The following MORN1 variants were observed in gnomAD, a reference collection of about 807,000 sequenced individuals.
MORN1 encodes the protein MORN repeat containing 1.
A neutral mutation model predicts 61.9 loss-of-function variants in MORN1; 67 were observed. That is an observed-to-expected ratio of 1.08 (90% CI 0.89 to 1.33). The LOEUF is 1.33. MORN1 is among the 40% of genes most tolerant of loss of function. MORN1 has a pLI of 0.00. For missense variants in MORN1, 752 were observed against 691.2 expected (o/e 1.09, Z -0.99); for synonymous variants, 301 against 292.0 (o/e 1.03, Z -0.31).
chr1:2,322,270 C>T (rs1216279350), intron 13 of MORN1: 2 of 985,368 alleles, frequency 2.0e-6, no homozygotes, highest in East Asian at 1.1e-4. Flanking sequence ...ATCCTCTCCC[C>T]TCCCCTGAGC....
chr1:2,340,235 T>C (rs12757417), intron 10 of MORN1, among the ~76,000 whole-genome samples: 35,423 of 152,082 alleles, frequency 0.23, 4,330 homozygotes, highest in Non-Finnish European at 0.27. Context: ...TCGCTTCCCA[T>C]GGACACAAGC....
rs554530967 is a variant in MORN1, at chr1:2,325,241, C to CCT, written c.1251-1100_1251-1099dup. On this transcript the variant is annotated intron_variant, in intron 12 of 13. Coordinates refer to ENST00000378531, the MANE Select transcript of MORN1 (RefSeq NM_024848.3). ...TTTTCTTTCTCTCTTGTTCCTTCTTCCTCTCTCTCTCTCCTCTCTCTCTCT... is the reference window on the plus strand; with the variant it reads ...TTTTCTTTCTCTCTTGTTCCTTCTTCCTCTCTCTCTCTCTCCTCTCTCTCTCT... Among the ~76,000 whole-genome samples, 19 of 115,992 alleles carry CCT rather than the reference C, an allele frequency of 1.6e-4. 1 individual carries two copies. In the South Asian group the frequency reaches 3.7e-3, roughly 22 times the overall value. The allele number at this position is 115,992 out of a possible 152,430, so 76.1% of individuals were successfully genotyped here.
At chr1:2,369,355 G>GAAAAAAAAAAAAAAAAAAAAAAAAA in intron 8 of MORN1, among the ~76,000 whole-genome samples, 1 of 80,654 alleles carries the variant, frequency 1.2e-5, no homozygotes. Context: ...CTCAGTCTCA[G>GAAAAAAAAAAAAAAAAAAAAAAAAA]AAAAAAAAAA....
rs908794642 is a variant in MORN1 at position 2,324,141 on chromosome 1, G to C, written c.1253C>G (p.Pro418Arg). ...TAQEPPGGSRPEGRATEEQAA... is the reference protein window; with the variant it reads ...TAQEPPGGSRREGRATEEQAA... ...CTGCTCCTCCGTGGCTCTCCCCTCA[G>C]GCCTGTGGAGACGACACAGTGAGGC... is the stretch of plus-strand genomic sequence containing the variant. The change falls in exon 13 of 14, where the codon CCT (proline) becomes CGT (arginine). Residue 418 changes from proline (P) to arginine (R), a missense_variant and splice_region_variant. By Grantham distance (103) the Pro-to-Arg change is moderately radical. Transcript: ENST00000378531. 1.3e-6 allele frequency: 2 copies of C among 1,598,058 alleles called. No homozygotes were observed. Among genetic ancestry groups the C allele is most frequent in the African/African-American group, 1.3e-5 (1 of 74,788 alleles).
Position 2,324,130 on chromosome 1 carries a change from C to T in MORN1, c.1264G>A (p.Ala422Thr), listed in dbSNP as rs61729821. The T allele has an allele frequency of 2.8e-3, 4,528 of 1,600,494 alleles. 102 individuals are homozygous for T. The African/African-American group carries it at 0.047, about 17-fold the overall frequency. ...PPGGSRPEGR[A>T]TEEQAAAAHL... Reference sequence around the variant, plus strand: ...GCTGCCGCAGCCTGCTCCTCCGTGGCTCTCCCCTCAGGCCTGTGGAGACGA... The same window carrying T: ...GCTGCCGCAGCCTGCTCCTCCGTGGTTCTCCCCTCAGGCCTGTGGAGACGA... The change falls in exon 13 of 14, where the codon GCC becomes ACC. Residue 422 changes from alanine (A) to threonine (T), a missense_variant. By Grantham distance (58) the Ala-to-Thr change is moderately conservative. Transcript: ENST00000378531.
At chr1:2,382,422 C>T (rs984184150) in intron 6 of MORN1, among the ~76,000 whole-genome samples, 29 of 152,188 alleles carry the variant, frequency 1.9e-4, no homozygotes, top group Admixed American at 1.1e-3. Flanking sequence ...CTGACAGCAG[C>T]GCCTGGCACC....
Position 2,357,744 on chromosome 1 carries a change from C to A in MORN1, c.870-146G>T. 1 of 941,496 alleles carries A rather than the reference C, an allele frequency of 1.1e-6. No homozygotes were observed. The allele number at this position is 941,496 out of a possible 1,614,324, so 58.3% of individuals were successfully genotyped here. Reference sequence around the variant, plus strand: ...CTCAGCCTCTCTGGGAGGTCTCCTGCTGGGATGGGGCCAGTTGAGGCCCAG... The same window carrying A: ...CTCAGCCTCTCTGGGAGGTCTCCTGATGGGATGGGGCCAGTTGAGGCCCAG... On this transcript the variant is annotated intron_variant, in intron 9 of 13. Transcript: ENST00000378531. This position sits in a 1 kb window ranked among gnomAD's most constrained non-coding sequence, Gnocchi z 6.3.
At chr1:2,333,125 G>A (rs760113302) in intron 12 of MORN1, among the ~76,000 whole-genome samples, 48 of 152,238 alleles carry the variant, frequency 3.2e-4, no homozygotes, top group Non-Finnish European at 6.2e-4. Context: ...GGGCGTGACT[G>A]GGGGTGGCCA....
chr1:2,391,391 A>G, intron 1 of MORN1, 67 bp downstream of exon 1: 1 of 1,246,594 alleles, frequency 8.0e-7, no homozygotes, highest in Non-Finnish European at 1.0e-6. Flanking sequence ...TCGAGGGCGT[A>G]GAGCGATCGC....
chr1:2,366,553 T>C (rs1370084408), intron 8 of MORN1, among the ~76,000 whole-genome samples: 2 of 152,180 alleles, frequency 1.3e-5, no homozygotes, highest in Non-Finnish European at 1.5e-5. Flanking sequence ...AGACAGGATC[T>C]TGCTCTGTCA....
intron 1 of MORN1, chr1:2,390,408 C>T (rs1642620357): frequency 1.0e-6 from 1 of 984,710 alleles, no homozygotes; most frequent in Non-Finnish European, 1.2e-6. Flanking sequence ...CTCTCCCATC[C>T]CCTGCCGTGG....
intron 6 of MORN1, among the ~76,000 whole-genome samples, chr1:2,384,061 T>A (rs1642432325): frequency 1.3e-5 from 2 of 152,220 alleles, no homozygotes; most frequent in South Asian, 2.1e-4. Flanking sequence ...GGTGACTCTT[T>A]CATTACGTTT....
At chr1:2,342,718 T>C (rs920402922) in intron 10 of MORN1, among the ~76,000 whole-genome samples, 4 of 152,090 alleles carry the variant, frequency 2.6e-5, no homozygotes, top group Non-Finnish European at 5.9e-5. Flanking sequence ...CGAGGAGGTG[T>C]AGGCTGGGCC....
chr1:2,321,307 G>A lies in MORN1; in HGVS notation c.*76C>T, dbSNP rs1344054308. On this transcript the variant is annotated 3_prime_UTR_variant, in exon 14 of 14. Coordinates refer to ENST00000378531, the MANE Select transcript of MORN1 (RefSeq NM_024848.3). ...AGCAACCACGGGGCTCTGGAGAATC[G>A]GGGAGCAGAGTCACGCAAGCAGAGG... is the stretch of plus-strand genomic sequence containing the variant. The A allele has an allele frequency of 3.2e-5, 36 of 1,114,142 alleles. No homozygotes were observed. The highest frequency in any genetic ancestry group is 9.9e-5 in the South Asian group (6 of 60,500). The allele number at this position is 1,114,142 out of a possible 1,614,324, so 69.0% of individuals were successfully genotyped here.
chr1:2,362,210 C>T (rs929175398), intron 8 of MORN1, among the ~76,000 whole-genome samples: 3 of 152,014 alleles, frequency 2.0e-5, no homozygotes, highest in Non-Finnish European at 4.4e-5. Flanking sequence ...CCAGCCTGGG[C>T]GACAGAGCGA....
Position 2,336,515 on chromosome 1 carries a change from G to A in MORN1, c.1204C>T (p.Pro402Ser), listed in dbSNP as rs1190450966. The A allele has an allele frequency of 1.2e-6, 2 of 1,612,788 alleles. No homozygotes were observed. The highest frequency in any genetic ancestry group is 1.7e-6 in the Non-Finnish European group (2 of 1,179,802). Residue 402 changes from proline (P) to serine (S), a missense_variant, in exon 12 of 14, where the codon CCC (proline) becomes TCC (serine). Physicochemically the swap from Pro to Ser is moderately conservative, Grantham distance 74. Transcript: ENST00000378531. ...AGGRSRGGLH[P>S]RGTPPTAQEP... The stretch of plus-strand genomic sequence containing the variant: ...TGTGCCGTGGGTGGTGTCCCCCTGG[G>A]GTGCAGGCCGCCTCTGGATCTGCCG...
In MORN1 at chr1:2,322,643, G is replaced by A. The variant is rs190722062; in HGVS notation, c.1298-1064C>T. ...GGTGTGGGCCACAGCACCGGGCACC[G>A]GGGACAGCCTCCCTGGCGGGCGGAG... On this transcript the variant is annotated intron_variant, in intron 13 of 13. Coordinates refer to ENST00000378531, the MANE Select transcript of MORN1 (RefSeq NM_024848.3). 767 of 985,356 alleles carry A rather than the reference G, an allele frequency of 7.8e-4. 2 individuals are homozygous for A. The East Asian group carries it at 0.011, about 14-fold the overall frequency. 61.0% of individuals were successfully genotyped at this position (985,356 alleles called of 1,614,324 possible).
In MORN1 at chr1:2,391,463, CG is replaced by C; in HGVS notation, c.70del (p.Arg24GlyfsTer195). On this transcript the variant is annotated frameshift_variant, in exon 1 of 14. Coordinates refer to ENST00000378531, the MANE Select transcript of MORN1 (RefSeq NM_024848.3). LOFTEE classifies it high-confidence loss of function. The stretch of plus-strand genomic sequence containing the variant: ...CCGTGGCCCGCAGTCGTTACCGTTC[CG>C]GGGCGGCCGCCTAGGCGGGTCCCGA... ...PRRDPPRRPPRNGYGVYVYPN... is the reference protein window; with the variant it reads ...PRRDPPRRPPXNGYGVYVYPN... The C allele has an allele frequency of 8.0e-7, 1 of 1,255,216 alleles. No individual in the cohort carries two copies. The allele number at this position is 1,255,216 out of a possible 1,614,324, so 77.8% of individuals were successfully genotyped here. A position where few individuals can be genotyped will look rare whatever the true frequency, so the allele number is the denominator to read the frequency against.
intron 6 of MORN1, among the ~76,000 whole-genome samples, chr1:2,380,441 A>G (rs12566416): frequency 0.065 from 9,967 of 152,340 alleles, 459 homozygotes; most frequent in South Asian, 0.23. Flanking sequence ...ATTGGAGATT[A>G]GCCTGGGCAA....
Sources: allele counts gnomAD v4.1 joint callset (sites outside exome capture counted in the v4.1 genomes callset), GRCh38; gene constraint gnomAD v4.1.1; non-coding constraint Gnocchi (gnomAD v3.1); transcripts MANE v1.5; gene names NCBI Gene and HGNC (gene_info 2026-07-23, HGNC 2026-07-21).